CCDC81: variants seen among roughly 807,000 people sequenced by gnomAD.
CCDC81 encodes the protein coiled-coil domain containing 81.
Under a neutral mutation model 83.7 loss-of-function variants are expected in CCDC81, and 79 were observed. The ratio of observed to expected loss-of-function variants is 0.94; its 90% confidence interval spans 0.79 to 1.14. CCDC81 has a LOEUF of 1.14. CCDC81 is among the 50% of genes most tolerant of loss of function. The pLI, the probability that CCDC81 is intolerant of heterozygous loss-of-function variation, is 0.00. For synonymous variants in CCDC81, 252 were observed against 278.1 expected, an observed-to-expected ratio of 0.91 and a Z score of 0.93; for missense variants, 791 against 778.1, an observed-to-expected ratio of 1.02 and a Z score of -0.20.
intron 6 of CCDC81, among the ~76,000 whole-genome samples, chr11:86,400,324 G>A (rs941497117): frequency 6.6e-6 from 1 of 151,938 alleles, no homozygotes; most frequent in East Asian, 1.9e-4. Flanking sequence ...TATATCTATC[G>A]AAAGATCTTT....
intron 13 of CCDC81, 44 bp from the exon 14 acceptor site, chr11:86,419,884 G>A: frequency 1.3e-6 from 2 of 1,548,372 alleles, no homozygotes; most frequent in African/African-American, 2.8e-5. Context: ...TTTGGTGCAT[G>A]CTCTTCCAAG....
At position 86,422,276 on chromosome 11, in the gene CCDC81, CT is replaced by C. The variant is rs562485645; in HGVS notation, c.1818-297del. On this transcript the variant is annotated intron_variant, in intron 14 of 14. Transcript: ENST00000445632. ...AGTCAACAGAGAGGCTTTGGAGCCACTGTCTGCTGGCTGTGTGACCTTCGGC... is the reference window on the plus strand; with the variant it reads ...AGTCAACAGAGAGGCTTTGGAGCCACGTCTGCTGGCTGTGTGACCTTCGGC... 9.8e-5 allele frequency among the ~76,000 whole-genome samples: 15 copies of C among 152,302 alleles called. No individual in the cohort carries two copies. The South Asian group carries it at 3.1e-3, about 32-fold the overall frequency.
At chr11:86,403,284 C>A in intron 7 of CCDC81, among the ~76,000 whole-genome samples, 1 of 152,010 alleles carries the variant, frequency 6.6e-6, no homozygotes, top group Non-Finnish European at 1.5e-5. Flanking sequence ...ATAAAGAGAA[C>A]TTCATATATC....
intron 7 of CCDC81, 124 bp downstream of exon 7, chr11:86,400,925 A>G (rs1216544656): frequency 7.2e-6 from 7 of 967,098 alleles, no homozygotes; most frequent in Non-Finnish European, 1.0e-5. Context: ...AGCTTTCTAT[A>G]TGCAACATGA....
At chr11:86,415,853 T>C (rs1428570329) in intron 13 of CCDC81, among the ~76,000 whole-genome samples, 3 of 152,132 alleles carry the variant, frequency 2.0e-5, no homozygotes, top group Non-Finnish European at 4.4e-5. Flanking sequence ...TTTAAACTTT[T>C]TGGGGAGACA....
In CCDC81 at chr11:86,400,634, A is replaced by C. The variant is rs1251522520; in HGVS notation, c.758-44A>C. The C allele has an allele frequency of 2.6e-6, 4 of 1,558,750 alleles. No homozygotes were observed. In the East Asian group the frequency reaches 6.9e-5, roughly 27 times the overall value. On this transcript the variant is annotated intron_variant, in intron 6 of 14. Coordinates refer to ENST00000445632, the MANE Select transcript of CCDC81 (RefSeq NM_001156474.2). ...TAAAAACTACACAGTTAGTGGTTTGAGAGTTGAAAGGAGACTCGTTTTCAT... is the reference window on the plus strand; with the variant it reads ...TAAAAACTACACAGTTAGTGGTTTGCGAGTTGAAAGGAGACTCGTTTTCAT...
At chr11:86,392,119 T>G (rs1484185426) in intron 3 of CCDC81, among the ~76,000 whole-genome samples, 2 of 152,146 alleles carry the variant, frequency 1.3e-5, no homozygotes, top group African/African-American at 4.8e-5. Flanking sequence ...GGAATACAAT[T>G]CAACATGAGA....
chr11:86,409,677 C>G lies in CCDC81; in HGVS notation c.1218+312C>G, dbSNP rs539836755. 3.3e-5 allele frequency among the ~76,000 whole-genome samples: 5 copies of G among 152,304 alleles called. No individual in the cohort carries two copies. In the East Asian group the frequency reaches 9.7e-4, roughly 29 times the overall value. Reference sequence around the variant, plus strand: ...TGTTGGCCAGGCTGGTCTTGAACTCCTGGTCTCATGATCTGCCCGTCTTGG... The same window carrying G: ...TGTTGGCCAGGCTGGTCTTGAACTCGTGGTCTCATGATCTGCCCGTCTTGG... On this transcript the variant is annotated intron_variant, in intron 10 of 14. Coordinates refer to ENST00000445632, the MANE Select transcript of CCDC81 (RefSeq NM_001156474.2).
chr11:86,413,987 A>G (rs976870218), intron 11 of CCDC81, among the ~76,000 whole-genome samples: 7 of 152,220 alleles, frequency 4.6e-5, no homozygotes, highest in African/African-American at 1.7e-4. Context: ...GTGATGAAAA[A>G]AATCTATTTC....
intron 1 of CCDC81, among the ~76,000 whole-genome samples, chr11:86,379,512 T>G (rs747967601): frequency 5.3e-5 from 8 of 152,208 alleles, no homozygotes; most frequent in Non-Finnish European, 7.3e-5. Flanking sequence ...TGTGATTGTT[T>G]TATAATAACA....
At chr11:86,417,956 A>G (rs1326807384) in intron 13 of CCDC81, among the ~76,000 whole-genome samples, 1 of 152,164 alleles carries the variant, frequency 6.6e-6, no homozygotes, top group South Asian at 2.1e-4. Flanking sequence ...TGACAGTTAC[A>G]TTTCTAAGAA....
chr11:86,390,971 T>G (rs1474871109), intron 3 of CCDC81, among the ~76,000 whole-genome samples: 1 of 152,066 alleles, frequency 6.6e-6, no homozygotes, highest in Non-Finnish European at 1.5e-5. Context: ...GCAGAAGAGA[T>G]AAACAAGGAC....
chr11:86,375,776 T>C (rs1337450000), intron 1 of CCDC81, among the ~76,000 whole-genome samples: 1 of 152,178 alleles, frequency 6.6e-6, no homozygotes, highest in Admixed American at 6.5e-5. Flanking sequence ...ACAAGATCTG[T>C]TTTTAGCATC....
chr11:86,410,021 C>G (rs1221921303), intron 10 of CCDC81, among the ~76,000 whole-genome samples: 1 of 152,292 alleles, frequency 6.6e-6, no homozygotes, highest in East Asian at 1.9e-4. Flanking sequence ...GCTGGAAATG[C>G]TGAATCTAGG....
intron 13 of CCDC81, among the ~76,000 whole-genome samples, chr11:86,417,682 T>C (rs1948739982): frequency 6.6e-6 from 1 of 152,196 alleles, no homozygotes; most frequent in Non-Finnish European, 1.5e-5. Flanking sequence ...GGTTCTTTTG[T>C]TTCTATCAGA....
chr11:86,404,482 C>T (rs1006840948), intron 7 of CCDC81, among the ~76,000 whole-genome samples: 4 of 152,168 alleles, frequency 2.6e-5, no homozygotes, highest in African/African-American at 9.7e-5. Context: ...TCTAAAGGAT[C>T]TTATTTTCAT....
intron 14 of CCDC81, among the ~76,000 whole-genome samples, chr11:86,420,346 C>T (rs888303111): frequency 1.3e-5 from 2 of 152,072 alleles, no homozygotes; most frequent in African/African-American, 4.8e-5. Context: ...TTGGAAATAA[C>T]TATTTGGAAG....
intron 1 of CCDC81, among the ~76,000 whole-genome samples, chr11:86,380,352 C>T (rs971643510): frequency 2.0e-5 from 3 of 152,150 alleles, no homozygotes; most frequent in Non-Finnish European, 2.9e-5. Context: ...GTGTTCCTTT[C>T]CCTCTCTCTG....
intron 8 of CCDC81, among the ~76,000 whole-genome samples, 170 bp downstream of exon 8, chr11:86,407,871 C>T (rs1593933269): frequency 6.6e-6 from 1 of 152,108 alleles, no homozygotes; most frequent in East Asian, 1.9e-4. Context: ...TCAAGATGTA[C>T]TGGTAAACAA....
Sources: allele counts gnomAD v4.1 joint callset (sites outside exome capture counted in the v4.1 genomes callset), GRCh38; gene constraint gnomAD v4.1.1; transcripts MANE v1.5; gene names NCBI Gene and HGNC (gene_info 2026-07-23, HGNC 2026-07-21).